NOL10: variants seen among roughly 807,000 people sequenced by gnomAD.
The protein encoded by NOL10 is H_NH0074G24.1.
NOL10 carries 58 observed loss-of-function variants against 103.5 expected under a neutral mutation model. That is an observed-to-expected ratio of 0.56 (90% CI 0.45 to 0.70). The LOEUF is 0.70. Ranked by LOEUF, NOL10 falls within the 30% of genes least tolerant of loss-of-function variation. The pLI, the probability that NOL10 is intolerant of heterozygous loss-of-function variation, is 0.00. For synonymous variants in NOL10, 287 were observed against 282.5 expected (o/e 1.02, Z -0.16); for missense variants, 763 against 807.3 (o/e 0.95, Z 0.67).
intron 8 of NOL10, among the ~76,000 whole-genome samples, chr2:10,665,023 T>C (rs974199641): frequency 6.6e-6 from 1 of 152,230 alleles, no homozygotes; most frequent in African/African-American, 2.4e-5. Flanking sequence ...AACAAAGATG[T>C]TTTAAGATTG....
intron 6 of NOL10, among the ~76,000 whole-genome samples, chr2:10,669,283 T>A (rs1680759158): frequency 6.6e-6 from 1 of 150,748 alleles, no homozygotes; most frequent in Non-Finnish European, 1.5e-5. Context: ...AGAGGCGAGG[T>A]TTCACCATGT....
chr2:10,645,965 A>ACC (rs954711767), intron 12 of NOL10, among the ~76,000 whole-genome samples: 1 of 150,542 alleles, frequency 6.6e-6, no homozygotes, highest in African/African-American at 2.5e-5. Flanking sequence ...ACACACACAC[A>ACC]CACCCCGTAA....
intron 13 of NOL10, among the ~76,000 whole-genome samples, chr2:10,627,921 AAAAAATT>A (rs1168200390): frequency 6.6e-5 from 10 of 152,116 alleles, no homozygotes; most frequent in Non-Finnish European, 1.3e-4. Context: ...TAAAAATAAT[AAAAAATT>A]AAAAATATAC....
chr2:10,680,185 G>A (rs910090292), intron 3 of NOL10, among the ~76,000 whole-genome samples: 1 of 152,022 alleles, frequency 6.6e-6, no homozygotes, highest in African/African-American at 2.4e-5. Flanking sequence ...ACTGACACAG[G>A]AGAATCGCTT....
chr2:10,653,535 C>G (rs1679627003), intron 12 of NOL10, among the ~76,000 whole-genome samples: 1 of 152,152 alleles, frequency 6.6e-6, no homozygotes, highest in African/African-American at 2.4e-5. Context: ...TCCTCTCTGA[C>G]AGCACACGGA....
At chr2:10,573,408 G>A (rs892268546) in intron 20 of NOL10, among the ~76,000 whole-genome samples, 4 of 152,102 alleles carry the variant, frequency 2.6e-5, no homozygotes, top group African/African-American at 9.7e-5. Context: ...TGTCCAGGAT[G>A]GTCTCGATCT....
intron 4 of NOL10, among the ~76,000 whole-genome samples, chr2:10,674,060 GA>G (rs1466247590): frequency 1.3e-5 from 2 of 149,630 alleles, no homozygotes; most frequent in African/African-American, 2.5e-5. Flanking sequence ...AAAAAAAACA[GA>G]AAAAAAATTA....
Position 10,684,570 on chromosome 2 carries a change from CATCT to C in NOL10, c.105_108del (p.Asp36Ter). On this transcript the variant is annotated frameshift_variant, in exon 2 of 21. Transcript: ENST00000381685. LOFTEE classifies it high-confidence loss of function. ...AGTGGGAAAAAACAATACTCACCTA[CATCT>C]TTCTTCTGTAGCGCTCTCTTCTTCC... 1 of 1,574,954 alleles carries C rather than the reference CATCT, an allele frequency of 6.3e-7. No individual in the cohort carries two copies. Among genetic ancestry groups the C allele is most frequent in the Non-Finnish European group, 8.6e-7 (1 of 1,158,406 alleles).
intron 13 of NOL10, among the ~76,000 whole-genome samples, chr2:10,629,138 A>G (rs1572328485): frequency 6.6e-5 from 1 of 15,074 alleles, no homozygotes; most frequent in South Asian, 2.4e-3. Flanking sequence ...CTCCACCTCC[A>G]GCCTCCAACA....
At chr2:10,651,234 A>G (rs1172408573) in intron 12 of NOL10, among the ~76,000 whole-genome samples, 1 of 152,110 alleles carries the variant, frequency 6.6e-6, no homozygotes, top group Middle Eastern at 3.2e-3. Context: ...CCTTGGTTAC[A>G]ATGGAAAAAC....
chr2:10,659,355 A>ATT (rs1680046375), intron 9 of NOL10, 105 bp from the exon 10 acceptor site: 1 of 384,786 alleles, frequency 2.6e-6, no homozygotes, highest in East Asian at 5.9e-5. Context: ...GGGGGGGGGG[A>ATT]GGAATCACAT....
At chr2:10,656,854 G>A (rs1463379827) in intron 11 of NOL10, among the ~76,000 whole-genome samples, 1 of 152,198 alleles carries the variant, frequency 6.6e-6, no homozygotes, top group Non-Finnish European at 1.5e-5. Flanking sequence ...TATACTGAAT[G>A]CATTTTTCCC....
At chr2:10,650,375 G>A (rs1370836156) in intron 12 of NOL10, among the ~76,000 whole-genome samples, 1 of 151,742 alleles carries the variant, frequency 6.6e-6, no homozygotes, top group African/African-American at 2.4e-5. Context: ...GTGTTGACAA[G>A]GCTGGTCTTG....
rs56031158 is a variant in NOL10 at position 10,649,311 on chromosome 2, A to ATTTTTTTT, written c.974-4947_974-4940dup. Among the ~76,000 whole-genome samples the ATTTTTTTT allele has an allele frequency of 6.9e-3, 679 of 99,008 alleles. 31 individuals carry two copies. Among genetic ancestry groups the ATTTTTTTT allele is most frequent in the African/African-American group, 9.2e-3 (221 of 24,134 alleles). 65.0% of individuals were successfully genotyped at this position (99,008 alleles called of 152,430 possible). A position where few individuals can be genotyped will look rare whatever the true frequency, so the allele number is the denominator to read the frequency against. ...TTTTTCAACTTTTCTGTATGTTTGA[A>ATTTTTTTT]TTTTTTTTTTTTTTTTTTTTTTTTT... On this transcript the variant is annotated intron_variant, in intron 12 of 20. Coordinates refer to ENST00000381685, the MANE Select transcript of NOL10 (RefSeq NM_024894.4).
rs540561519 is a variant in NOL10, at chr2:10,602,119, G to A, written c.1332+657C>T. The stretch of plus-strand genomic sequence containing the variant: ...TGGATTCCAGTTTGCAGTTTCCAAC[G>A]CTCCCAGGAACATCCTTGCTATTAT... On this transcript the variant is annotated intron_variant, in intron 16 of 20. Coordinates refer to ENST00000381685, the MANE Select transcript of NOL10 (RefSeq NM_024894.4). 1.9e-4 allele frequency among the ~76,000 whole-genome samples: 29 copies of A among 152,276 alleles called. No homozygotes were observed. The South Asian group carries it at 2.5e-3, about 13-fold the overall frequency.
intron 13 of NOL10, among the ~76,000 whole-genome samples, chr2:10,632,468 C>T (rs1677913107): frequency 6.6e-6 from 1 of 152,142 alleles, no homozygotes; most frequent in Non-Finnish European, 1.5e-5. Flanking sequence ...TTTCCCAAAC[C>T]CCAGTCTAGA....
At chr2:10,577,095 T>A (rs2160258) in intron 20 of NOL10, among the ~76,000 whole-genome samples, 52,201 of 151,964 alleles carry the variant, frequency 0.34, 9,381 homozygotes, top group Non-Finnish European at 0.4. Context: ...CTAAAAAAAA[T>A]GGATCTTATA....
chr2:10,640,628 CACTTCAT>C (rs1054691575), intron 13 of NOL10, among the ~76,000 whole-genome samples: 2 of 152,112 alleles, frequency 1.3e-5, no homozygotes, highest in African/African-American at 4.8e-5. Flanking sequence ...CAGCCCCTCA[CACTTCAT>C]ACTTCATACT....
In NOL10 at chr2:10,640,039, A is replaced by G. The variant is rs541949135; in HGVS notation, c.1026+4281T>C. Among the ~76,000 whole-genome samples, 16 of 152,320 alleles carry G rather than the reference A, an allele frequency of 1.1e-4. 1 individual carries two copies. Among genetic ancestry groups the G allele is most frequent in the South Asian group, 1.0e-3 (5 of 4,826 alleles). On this transcript the variant is annotated intron_variant, in intron 13 of 20. Coordinates refer to ENST00000381685, the MANE Select transcript of NOL10 (RefSeq NM_024894.4). ...GATATCAGATAGGCAAAAATTAACA[A>G]GCTAAAAGAACACTAAGTTGCCTTC... is the stretch of plus-strand genomic sequence containing the variant.
Sources: gnomAD v4.1 joint callset for allele counts (sites outside exome capture counted in the v4.1 genomes callset) on GRCh38, gnomAD v4.1.1 for gene constraint, MANE v1.5 for transcripts, NCBI Gene and HGNC (gene_info 2026-07-23, HGNC 2026-07-21) for gene names.